Variants in NELL1 observed in about 807,000 individuals in gnomAD.
The protein encoded by NELL1 is protein kinase C-binding protein NELL1.
A neutral mutation model predicts 107.4 loss-of-function variants in NELL1; 76 were observed. The ratio of observed to expected loss-of-function variants is 0.71; its 90% confidence interval spans 0.59 to 0.86. The LOEUF (loss-of-function observed/expected upper bound fraction) is 0.86, where lower values mean the gene tolerates loss of function less well. Ranked by LOEUF, NELL1 falls within the 40% of genes least tolerant of loss-of-function variation. The probability of loss-of-function intolerance (pLI) is 0.00; values close to 1 mark genes in which losing one functional copy is unlikely to be tolerated. For missense variants in NELL1, 1,024 were observed against 1,005.5 expected, an observed-to-expected ratio of 1.02 and a Z score of -0.25; for synonymous variants, 353 against 341.2, an observed-to-expected ratio of 1.03 and a Z score of -0.38.
intron 5 of NELL1, among the ~76,000 whole-genome samples, chr11:20,901,819 C>T (rs1849880928): frequency 6.6e-6 from 1 of 152,042 alleles, no homozygotes. Context: ...GGAAACTTGA[C>T]ACATAACTGA....
intron 17 of NELL1, among the ~76,000 whole-genome samples, chr11:21,567,340 C>G (rs999719597): frequency 6.7e-6 from 1 of 149,908 alleles, no homozygotes; most frequent in African/African-American, 2.5e-5. Context: ...AAACCAAAGG[C>G]CTATTGTTGG....
At chr11:21,500,812 G>A (rs74747721) in intron 15 of NELL1, among the ~76,000 whole-genome samples, 20,882 of 151,956 alleles carry the variant, frequency 0.14, 1,594 homozygotes, top group Non-Finnish European at 0.17. Context: ...TTCCTACTCT[G>A]CAAATAAGTC....
intron 4 of NELL1, among the ~76,000 whole-genome samples, chr11:20,859,491 C>T (rs1235110920): frequency 8.5e-5 from 13 of 152,130 alleles, no homozygotes; most frequent in Non-Finnish European, 1.6e-4. Flanking sequence ...TCTTACATCA[C>T]GACTGACTGC....
intron 13 of NELL1, among the ~76,000 whole-genome samples, chr11:21,181,483 T>A (rs1856825278): frequency 6.6e-6 from 1 of 151,870 alleles, no homozygotes. Flanking sequence ...GTCTCAGAGG[T>A]GGGGCATGGC....
chr11:21,159,349 T>C (rs1856312255), intron 13 of NELL1, among the ~76,000 whole-genome samples: 1 of 152,034 alleles, frequency 6.6e-6, no homozygotes, highest in South Asian at 2.1e-4. Context: ...AAGCAGAAAA[T>C]AGAAGTATTG....
chr11:20,766,430 G>A (rs1193987165), intron 2 of NELL1, among the ~76,000 whole-genome samples: 1 of 152,196 alleles, frequency 6.6e-6, no homozygotes, highest in Non-Finnish European at 1.5e-5. Flanking sequence ...GGCGTGGCAA[G>A]GTTTTCCCCA....
chr11:20,971,462 T>G (rs554978132), intron 12 of NELL1, among the ~76,000 whole-genome samples: 2 of 152,276 alleles, frequency 1.3e-5, no homozygotes, highest in East Asian at 3.9e-4. Flanking sequence ...TTTGGTTATT[T>G]AAAAATAATA....
chr11:21,088,766 T>C (rs1854457081), intron 12 of NELL1, among the ~76,000 whole-genome samples: 1 of 152,170 alleles, frequency 6.6e-6, no homozygotes, highest in Non-Finnish European at 1.5e-5. Flanking sequence ...TCATACTCTT[T>C]GGGAGATTTG....
chr11:21,532,697 G>T (rs1053625710), intron 15 of NELL1, among the ~76,000 whole-genome samples: 2 of 152,274 alleles, frequency 1.3e-5, no homozygotes, highest in Non-Finnish European at 2.9e-5. Flanking sequence ...AGGTAGAATT[G>T]GTTGCTGCTT....
chr11:21,367,279 C>T (rs1413992070), intron 14 of NELL1, among the ~76,000 whole-genome samples: 6 of 150,066 alleles, frequency 4.0e-5, no homozygotes, highest in Non-Finnish European at 7.4e-5. Flanking sequence ...CACACACACA[C>T]ACACACACAC....
intron 2 of NELL1, among the ~76,000 whole-genome samples, chr11:20,752,921 A>G (rs7944238): frequency 0.051 from 7,735 of 152,238 alleles, 643 homozygotes; most frequent in African/African-American, 0.17. Flanking sequence ...AAGAAAAAGG[A>G]AAAAATGGGT....
At chr11:21,057,389 A>T (rs1383394246) in intron 12 of NELL1, among the ~76,000 whole-genome samples, 1 of 152,002 alleles carries the variant, frequency 6.6e-6, no homozygotes, top group African/African-American at 2.4e-5. Context: ...TACCAGAGAA[A>T]TTTGTCAGTT....
intron 14 of NELL1, among the ~76,000 whole-genome samples, chr11:21,326,783 A>T (rs924575423): frequency 2.6e-5 from 4 of 151,860 alleles, no homozygotes; most frequent in African/African-American, 7.3e-5. Flanking sequence ...GACTTAAAAC[A>T]TGTCATTCTT....
At chr11:21,434,604 T>C (rs1281011407) in intron 15 of NELL1, among the ~76,000 whole-genome samples, 1 of 152,202 alleles carries the variant, frequency 6.6e-6, no homozygotes, top group Non-Finnish European at 1.5e-5. Flanking sequence ...CTTTGTAATA[T>C]ACTTTGAAGT....
chr11:21,277,845 AC>A (rs1401361774), intron 14 of NELL1, among the ~76,000 whole-genome samples: 1 of 152,212 alleles, frequency 6.6e-6, no homozygotes, highest in Non-Finnish European at 1.5e-5. Context: ...TGGGAATTGA[AC>A]AATGAGAACA....
intron 2 of NELL1, among the ~76,000 whole-genome samples, chr11:20,732,355 A>G (rs1378420592): frequency 6.6e-6 from 1 of 152,132 alleles, no homozygotes; most frequent in Non-Finnish European, 1.5e-5. Flanking sequence ...TCATGGCCTC[A>G]GTTGCCTCTT....
chr11:20,877,344 A>C (rs1443915561), intron 4 of NELL1, among the ~76,000 whole-genome samples: 1 of 152,230 alleles, frequency 6.6e-6, no homozygotes, highest in Non-Finnish European at 1.5e-5. Context: ...CAGTGGCATA[A>C]TACATGTCAA....
At chr11:20,751,115 C>G (rs780138707) in intron 2 of NELL1, among the ~76,000 whole-genome samples, 1 of 151,680 alleles carries the variant, frequency 6.6e-6, no homozygotes, top group Non-Finnish European at 1.5e-5. Context: ...TAATACCACA[C>G]TTTGCTATTA....
chr11:20,909,570 C>T (rs954950200), intron 5 of NELL1, among the ~76,000 whole-genome samples: 2 of 148,428 alleles, frequency 1.3e-5, no homozygotes, highest in African/African-American at 2.4e-5. Flanking sequence ...AGCTGTTGAA[C>T]TTGTGTTGCT....
Sources: gnomAD v4.1 joint callset for allele counts (sites outside exome capture counted in the v4.1 genomes callset) on GRCh38, gnomAD v4.1.1 for gene constraint, MANE v1.5 for transcripts, NCBI Gene and HGNC (gene_info 2026-07-23, HGNC 2026-07-21) for gene names.